The following MICU2 variants were observed in gnomAD, a reference collection of about 807,000 sequenced individuals.
MICU2 encodes mitochondrial calcium uptake 2, also known as calcium uptake protein 2, mitochondrial.
MICU2 carries 64 observed loss-of-function variants against 60.4 expected under a neutral mutation model. That is an observed-to-expected ratio of 1.06 (90% CI 0.87 to 1.31). MICU2 has a LOEUF of 1.31. Ranked by LOEUF, MICU2 falls within the 50% of genes most tolerant of loss-of-function variation. The pLI is 0.00. For missense variants in MICU2, 569 were observed against 531.0 expected, an observed-to-expected ratio of 1.07 and a Z score of -0.70; for synonymous variants, 201 against 175.0, an observed-to-expected ratio of 1.15 and a Z score of -1.17.
chr13:21,587,884 A>C (rs192716550), intron 1 of MICU2, among the ~76,000 whole-genome samples: 26 of 152,370 alleles, frequency 1.7e-4, no homozygotes, highest in African/African-American at 6.0e-4. Flanking sequence ...ATTTCAGTGA[A>C]TACTGAATCT....
intron 2 of MICU2, among the ~76,000 whole-genome samples, chr13:21,561,197 T>A (rs980922805): frequency 6.6e-6 from 1 of 152,200 alleles, no homozygotes; most frequent in Non-Finnish European, 1.5e-5. Context: ...TTTTTTAAAC[T>A]GTGTTTTATG....
rs570756062 is a variant in MICU2, at chr13:21,557,542, T to A, written c.358+9255A>T. On this transcript the variant is annotated intron_variant, in intron 2 of 11. Coordinates refer to ENST00000382374, the MANE Select transcript of MICU2 (RefSeq NM_152726.3). ...AACTACTATTAATAAAGTGTATTAT[T>A]TGCAAAAAATCCAAAAAGATACATA... Among the ~76,000 whole-genome samples, 3 of 152,312 alleles carry A rather than the reference T, an allele frequency of 2.0e-5. No individual in the cohort carries two copies. In the East Asian group the frequency reaches 5.8e-4, roughly 29 times the overall value.
At chr13:21,508,535 G>A (rs1886351115) in intron 8 of MICU2, among the ~76,000 whole-genome samples, 1 of 152,084 alleles carries the variant, frequency 6.6e-6, no homozygotes, top group African/African-American at 2.4e-5. Context: ...CCCTTCACGT[G>A]GCCTTCTTCA....
At chr13:21,583,864 A>G (rs1260882869) in intron 1 of MICU2, among the ~76,000 whole-genome samples, 1 of 152,222 alleles carries the variant, frequency 6.6e-6, no homozygotes, top group Non-Finnish European at 1.5e-5. Flanking sequence ...TGTCCTTAAA[A>G]CAACAGTGTG....
intron 4 of MICU2, among the ~76,000 whole-genome samples, chr13:21,523,699 G>C (rs564441957): frequency 6.6e-6 from 1 of 152,206 alleles, no homozygotes; most frequent in African/African-American, 2.4e-5. Context: ...AGCTAATAAG[G>C]AGGTTGCACT....
At chr13:21,558,795 A>G (rs373115809) in intron 2 of MICU2, among the ~76,000 whole-genome samples, 3 of 152,286 alleles carry the variant, frequency 2.0e-5, no homozygotes, top group South Asian at 2.1e-4. Flanking sequence ...GGCCCAAGGT[A>G]GAGCCTCCAT....
intron 1 of MICU2, among the ~76,000 whole-genome samples, chr13:21,581,368 T>C (rs1888344997): frequency 6.6e-6 from 1 of 152,196 alleles, no homozygotes; most frequent in Admixed American, 6.5e-5. Flanking sequence ...TCCACCCACT[T>C]TGGCCTCCCA....
intron 7 of MICU2, among the ~76,000 whole-genome samples, chr13:21,511,719 A>G (rs1886432002): frequency 9.6e-6 from 1 of 104,210 alleles, no homozygotes; most frequent in African/African-American, 5.3e-5. Flanking sequence ...TTAGCCTCTG[A>G]CAACAATTAA....
chr13:21,573,753 A>G (rs1474988147), intron 1 of MICU2, among the ~76,000 whole-genome samples: 1 of 152,068 alleles, frequency 6.6e-6, no homozygotes, highest in Non-Finnish European at 1.5e-5. Flanking sequence ...AAAAAAAGAC[A>G]CAGTAGAGGA....
intron 2 of MICU2, among the ~76,000 whole-genome samples, chr13:21,549,151 G>T (rs1352272366): frequency 1.3e-5 from 2 of 151,822 alleles, no homozygotes; most frequent in Non-Finnish European, 2.9e-5. Context: ...GGATGGTCTT[G>T]ATCTCCTGAC....
At chr13:21,579,443 A>G (rs1888297016) in intron 1 of MICU2, among the ~76,000 whole-genome samples, 1 of 151,138 alleles carries the variant, frequency 6.6e-6, no homozygotes, top group Non-Finnish European at 1.5e-5. Context: ...TGGGTTCAAG[A>G]GATTCTCCTG....
chr13:21,604,049 G>A lies in MICU2; in HGVS notation c.100C>T (p.Pro34Ser). Residue 34 changes from proline (P) to serine (S), a missense_variant, in exon 1 of 12, where the codon CCC (proline) becomes TCC (serine). Pro to Ser is a moderately conservative substitution (Grantham distance 74). Coordinates refer to ENST00000382374, the MANE Select transcript of MICU2 (RefSeq NM_152726.3). ...GCGCCGGCCACTGCCGCTGCCAAGG[G>A]GCCGGGACTCCGCACAGCCTGTCGG... ...VSRQAVRSPG[P>S]LAAAVAGAAL... 1.2e-6 allele frequency: 2 copies of A among 1,606,014 alleles called. No homozygotes were observed. Among genetic ancestry groups the A allele is most frequent in the Non-Finnish European group, 8.5e-7 (1 of 1,177,274 alleles).
intron 3 of MICU2, 56 bp downstream of exon 3, chr13:21,539,601 A>G: frequency 1.9e-6 from 3 of 1,611,234 alleles, no homozygotes; most frequent in Non-Finnish European, 1.7e-6. Context: ...CCCGGCCAAA[A>G]GTTCATTTTC....
intron 11 of MICU2, among the ~76,000 whole-genome samples, chr13:21,493,949 A>G (rs1885926035): frequency 6.6e-6 from 1 of 152,210 alleles, no homozygotes; most frequent in Non-Finnish European, 1.5e-5. Context: ...ACAGGAGCAT[A>G]GCACTGATGA....
intron 1 of MICU2, among the ~76,000 whole-genome samples, chr13:21,572,532 T>C (rs1393773944): frequency 6.6e-6 from 1 of 152,222 alleles, no homozygotes; most frequent in Non-Finnish European, 1.5e-5. Flanking sequence ...ATTATCAGTG[T>C]AGAATTTAAC....
chr13:21,525,943 TA>T, intron 4 of MICU2, among the ~76,000 whole-genome samples: 2 of 147,214 alleles, frequency 1.4e-5, no homozygotes, highest in Non-Finnish European at 3.0e-5. Context: ...TTTATTTATT[TA>T]TTTATTTTTT....
Position 21,604,116 on chromosome 13 carries a change from C to T in MICU2, c.33G>A (p.Val11=). The change falls in exon 1 of 12, where the codon GTG becomes GTA. Residue 11 remains valine, a synonymous_variant. Transcript: ENST00000382374. ...GTCGCAGTTTTCCGCCCCAGGCCGC[C>T]ACCCGCGCGCAGCTACCCGCAGCCG... is the stretch of plus-strand genomic sequence containing the variant. MAAAAGSCAR[V]AAWGGKLRRG... is the part of the protein sequence containing the mutation. The T allele has an allele frequency of 6.3e-7, 1 of 1,577,924 alleles. No individual in the cohort carries two copies. The highest frequency in any genetic ancestry group is 1.1e-5 in the South Asian group (1 of 87,278).
chr13:21,531,865 C>T (rs1048598795), intron 4 of MICU2, among the ~76,000 whole-genome samples: 3 of 152,146 alleles, frequency 2.0e-5, no homozygotes, highest in Non-Finnish European at 4.4e-5. Context: ...AAGAAGTTAC[C>T]GATATTCTTT....
chr13:21,513,779 T>C (rs1453815311), intron 7 of MICU2, among the ~76,000 whole-genome samples: 1 of 132,140 alleles, frequency 7.6e-6, no homozygotes, highest in African/African-American at 2.8e-5. Flanking sequence ...ACTTTACATA[T>C]ATTAAGTTAA....
Sources: gnomAD v4.1 joint callset for allele counts (sites outside exome capture counted in the v4.1 genomes callset) on GRCh38, gnomAD v4.1.1 for gene constraint, MANE v1.5 for transcripts, NCBI Gene and HGNC (gene_info 2026-07-23, HGNC 2026-07-21) for gene names.